The following MTFR1 variants were observed in gnomAD, a reference collection of about 807,000 sequenced individuals.
The protein encoded by MTFR1 is chondrocyte protein with a poly-proline region.
MTFR1 carries 28 observed loss-of-function variants against 38.8 expected under a neutral mutation model. The observed-to-expected ratio is 0.72, with a 90% CI of 0.53 to 0.99. The LOEUF (loss-of-function observed/expected upper bound fraction) is 0.99. Ranked by LOEUF, MTFR1 falls within the 50% of genes least tolerant of loss-of-function variation. MTFR1 has a pLI of 0.00. For synonymous variants in MTFR1, 145 were observed against 137.0 expected, an observed-to-expected ratio of 1.06 and a Z score of -0.41; for missense variants, 358 against 395.5, an observed-to-expected ratio of 0.91 and a Z score of 0.81.
chr8:65,707,809 A>C, intron 6 of MTFR1, 34 bp from the exon 7 acceptor site: 6 of 1,606,146 alleles, frequency 3.7e-6, no homozygotes, highest in Non-Finnish European at 5.1e-6. Context: ...CAGTGTATTG[A>C]TCTGTCCCCT....
intron 1 of MTFR1, among the ~76,000 whole-genome samples, chr8:65,666,505 T>A (rs548753235): frequency 6.6e-6 from 1 of 152,330 alleles, no homozygotes; most frequent in South Asian, 2.1e-4. Context: ...AAGCACAGAC[T>A]TACAGAAACA....
rs1344258631 is a variant in MTFR1 at position 65,745,381 on chromosome 8, T to C, written c.*49-25566T>C. The stretch of plus-strand genomic sequence containing the variant: ...ATGCAGTAATCTAGACTACATTAAC[T>C]TGAGCAAGTCAAATTCTTCACTTAC... On this transcript the variant is annotated intron_variant, in intron 3 of 3. Transcript: ENST00000521247. The C allele has an allele frequency of 2.2e-6, 3 of 1,348,486 alleles. No homozygotes were observed. The East Asian group carries it at 6.9e-5, about 31-fold the overall frequency. 83.5% of individuals were successfully genotyped at this position (1,348,486 alleles called of 1,614,324 possible).
chr8:65,669,019 G>T (rs888452027), intron 1 of MTFR1, among the ~76,000 whole-genome samples: 2 of 152,192 alleles, frequency 1.3e-5, no homozygotes, highest in East Asian at 3.8e-4. Context: ...AATATTAAAA[G>T]ACTTTATTCA....
chr8:65,683,679 A>G (rs1348740099), intron 3 of MTFR1, among the ~76,000 whole-genome samples: 1 of 152,104 alleles, frequency 6.6e-6, no homozygotes, highest in Non-Finnish European at 1.5e-5. Context: ...ATGTTCTTAA[A>G]TCACTCCTCC....
chr8:65,739,216 C>G (rs181844241), intron 3 of MTFR1, among the ~76,000 whole-genome samples: 4 of 152,178 alleles, frequency 2.6e-5, no homozygotes, highest in Admixed American at 6.5e-5. Context: ...TATGTAGAGC[C>G]GAGATGGGTC....
intron 2 of MTFR1, chr8:65,679,690 C>T (rs188233669): frequency 6.6e-5 from 10 of 152,096 alleles, no homozygotes; most frequent in African/African-American, 2.4e-4. Flanking sequence ...AATTATTTGC[C>T]CATGTTTGTT....
intron 3 of MTFR1, among the ~76,000 whole-genome samples, chr8:65,738,783 A>G (rs1266737386): frequency 6.6e-6 from 1 of 152,224 alleles, no homozygotes; most frequent in Non-Finnish European, 1.5e-5. Flanking sequence ...GGTCAGAAAA[A>G]GAAGAAACCT....
chr8:65,710,798 A>AGAT (rs1311270758), downstream of MTFR1, among the ~76,000 whole-genome samples: 11 of 152,244 alleles, frequency 7.2e-5, no homozygotes, highest in Middle Eastern at 3.4e-3. Flanking sequence ...TCTACTTCTG[A>AGAT]GATTGGTGAA....
chr8:65,715,162 A>T (rs1046638681), downstream of MTFR1, among the ~76,000 whole-genome samples: 1 of 152,156 alleles, frequency 6.6e-6, no homozygotes, highest in Non-Finnish European at 1.5e-5. Flanking sequence ...CTTGCTTTTT[A>T]AAAAAGTAAT....
At chr8:65,694,929 A>ACC (rs759876200) in intron 4 of MTFR1, among the ~76,000 whole-genome samples, 4 of 152,202 alleles carry the variant, frequency 2.6e-5, no homozygotes, top group Non-Finnish European at 4.4e-5. Context: ...GAGACTAGAG[A>ACC]GCAGAAAAGA....
At position 65,663,529 on chromosome 8, in the gene MTFR1, TAA is replaced by T. The variant is rs377759904; in HGVS notation, c.-80-6327_-80-6326del. 4.4e-3 allele frequency among the ~76,000 whole-genome samples: 543 copies of T among 123,292 alleles called. 1 individual carries two copies. Among genetic ancestry groups the T allele is most frequent in the African/African-American group, 0.013 (438 of 33,086 alleles). 80.9% of individuals were successfully genotyped at this position (123,292 alleles called of 152,430 possible). A position where few individuals can be genotyped will look rare whatever the true frequency, so the allele number is the denominator to read the frequency against. On this transcript the variant is annotated intron_variant, in intron 1 of 7. Transcript: ENST00000262146. ...GAGAAACACCCAAGAATGATCAATT[TAA>T]AAAAAAAAAAAAAAAAGAGCAAAAG...
chr8:65,712,985 G>A (rs1007357611), downstream of MTFR1, among the ~76,000 whole-genome samples: 6 of 152,126 alleles, frequency 3.9e-5, no homozygotes, highest in East Asian at 3.8e-4. Flanking sequence ...TCTGTGTTCC[G>A]AAATGTCATG....
At position 65,749,842 on chromosome 8, in the gene MTFR1, C is replaced by T. The variant is rs375351568; in HGVS notation, c.*49-21105C>T. ...ATATTTCTACAGTATTGTTTATTTA[C>T]TGTCCATTACAAAATTCTGTGTACA... On this transcript the variant is annotated intron_variant, in intron 3 of 3. Transcript: ENST00000521247. Among the ~76,000 whole-genome samples, 4 of 152,320 alleles carry T rather than the reference C, an allele frequency of 2.6e-5. No individual in the cohort carries two copies. The East Asian group carries it at 7.7e-4, about 29-fold the overall frequency.
At chr8:65,655,805 T>A (rs539324035) in intron 1 of MTFR1, among the ~76,000 whole-genome samples, 1 of 150,686 alleles carries the variant, frequency 6.6e-6, no homozygotes, top group Non-Finnish European at 1.5e-5. Flanking sequence ...CAAAATTAGC[T>A]GGGCATGGTG....
chr8:65,730,171 C>CTTCTTTTTTT lies in MTFR1; in HGVS notation c.*48+10692_*48+10693insCTTTTTTTTT, dbSNP rs1295965698. Among the ~76,000 whole-genome samples the CTTCTTTTTTT allele has an allele frequency of 2.0e-3, 171 of 86,436 alleles. 32 individuals carry two copies. Among genetic ancestry groups the CTTCTTTTTTT allele is most frequent in the Non-Finnish European group, 2.5e-3 (119 of 47,832 alleles). 56.7% of individuals were successfully genotyped at this position (86,436 alleles called of 152,430 possible). ...TGTGAGGGATCCAGGTTGCGCACTT[C>CTTCTTTTTTT]TTTTTTTTTTTTTTTTTTTTTTTTT... On this transcript the variant is annotated intron_variant, in intron 3 of 3. Transcript: ENST00000521247.
downstream of MTFR1, among the ~76,000 whole-genome samples, chr8:65,711,749 C>T (rs923309636): frequency 6.6e-6 from 1 of 152,182 alleles, no homozygotes; most frequent in Non-Finnish European, 1.5e-5. Context: ...AACTTTTGCA[C>T]ACTTCTTCCT....
At chr8:65,759,263 G>T (rs1808380674) in intron 3 of MTFR1, among the ~76,000 whole-genome samples, 1 of 152,172 alleles carries the variant, frequency 6.6e-6, no homozygotes, top group African/African-American at 2.4e-5. Context: ...TCCAAAATGG[G>T]GGTGAGGGGC....
intron 3 of MTFR1, among the ~76,000 whole-genome samples, chr8:65,748,671 G>A (rs1807796350): frequency 6.6e-6 from 1 of 152,138 alleles, no homozygotes; most frequent in Non-Finnish European, 1.5e-5. Context: ...GAATCACCAG[G>A]TGAAATGGAA....
At position 65,704,885 on chromosome 8, in the gene MTFR1, T is replaced by C; in HGVS notation, c.473T>C (p.Ile158Thr). The change falls in exon 5 of 8, where the codon ATT (isoleucine) becomes ACT (threonine). Residue 158 changes from isoleucine (I) to threonine (T), a missense_variant. Coordinates refer to ENST00000262146, the MANE Select transcript of MTFR1 (RefSeq NM_014637.4). ...GAACTTGCTGCTCTCAGAGCTCAGA[T>C]TGCCAAAATTGTGACCCAGCAGGAG... ...ENELAALRAQIAKIVTQQEQQ... is the reference protein window; with the variant it reads ...ENELAALRAQTAKIVTQQEQQ... 6.2e-7 allele frequency: 1 copy of C among 1,608,874 alleles called. No homozygotes were observed. Among genetic ancestry groups the C allele is most frequent in the Non-Finnish European group, 8.5e-7 (1 of 1,176,978 alleles).
Sources: allele counts gnomAD v4.1 joint callset (sites outside exome capture counted in the v4.1 genomes callset), GRCh38; gene constraint gnomAD v4.1.1; transcripts MANE v1.5; gene names NCBI Gene and HGNC (gene_info 2026-07-23, HGNC 2026-07-21).